The following ARHGEF7 variants were observed in gnomAD, a reference collection of about 807,000 sequenced individuals.
ARHGEF7 encodes the protein Rho guanine nucleotide exchange factor 7.
A neutral mutation model predicts 109.8 loss-of-function variants in ARHGEF7; 33 were observed. The ratio of observed to expected loss-of-function variants is 0.30; its 90% CI spans 0.23 to 0.40. ARHGEF7 has a LOEUF of 0.40. ARHGEF7 is among the 10% of genes least tolerant of loss of function. ARHGEF7 has a pLI of 1.00. For missense variants in ARHGEF7, 938 were observed against 1,098.5 expected (o/e 0.85, Z 2.07); for synonymous variants, 458 against 424.6 (o/e 1.08, Z -0.97).
At chr13:111,298,669 G>A (rs1595630663) in intron 19 of ARHGEF7, among the ~76,000 whole-genome samples, 1 of 152,324 alleles carries the variant, frequency 6.6e-6, no homozygotes, top group South Asian at 2.1e-4. Context: ...TCTTCTGTCC[G>A]AAAAGTTATT....
In ARHGEF7 at chr13:111,280,666, C is replaced by T; in HGVS notation, c.1714C>T (p.Pro572Ser). Residue 572 changes from proline to serine, a missense_variant, in exon 15 of 22, where the codon CCA becomes TCA. Transcript: ENST00000646102. ...GNPTIKPHSV[P>S]SHTLPSHPVT... The stretch of plus-strand genomic sequence containing the variant: ...CCCCACCATAAAGCCTCATTCAGTG[C>T]CATCTCATACCGTAAGGACTTGGTG... 3 of 1,585,746 alleles carry T rather than the reference C, an allele frequency of 1.9e-6. No homozygotes were observed. Among genetic ancestry groups the T allele is most frequent in the Non-Finnish European group, 1.7e-6 (2 of 1,167,700 alleles).
chr13:111,195,556 G>A (rs1036680094), intron 2 of ARHGEF7, among the ~76,000 whole-genome samples: 2 of 152,200 alleles, frequency 1.3e-5, no homozygotes, highest in Non-Finnish European at 2.9e-5. Flanking sequence ...GCCCTCAATG[G>A]TTAAATGTAC....
At chr13:111,135,047 T>A (rs1318881250) in intron 1 of ARHGEF7, among the ~76,000 whole-genome samples, 1 of 152,240 alleles carries the variant, frequency 6.6e-6, no homozygotes, top group African/African-American at 2.4e-5. Flanking sequence ...CACCATTTGT[T>A]AAATAGGGAA....
At chr13:111,189,539 T>A (rs1225405669) in intron 2 of ARHGEF7, among the ~76,000 whole-genome samples, 3 of 152,186 alleles carry the variant, frequency 2.0e-5, no homozygotes, top group African/African-American at 7.2e-5. Context: ...TAACAGCTTA[T>A]AAAGGTAGTG....
rs182815658 is a variant in ARHGEF7 at position 111,244,259 on chromosome 13, G to A, written c.915G>A (p.Gln305=). 100 of 1,609,894 alleles carry A rather than the reference G, an allele frequency of 6.2e-5. 1 individual carries two copies. The East Asian group carries it at 2.2e-3, about 35-fold the overall frequency. ...MGNLEEICSF[Q]QMLVQSLEEC... is the part of the protein sequence containing the mutation. ...ATCTAGAAGAAATATGTTCTTTCCA[G>A]CAAATGCTCGTACAGTCTTTAGAAG... Residue 305 remains glutamine, a synonymous_variant, in exon 8 of 22, where the codon CAG becomes CAA. Coordinates refer to ENST00000646102, the MANE Select transcript of ARHGEF7 (RefSeq NM_001354046.2).
chr13:111,178,724 A>G (rs2078416561), intron 2 of ARHGEF7, among the ~76,000 whole-genome samples: 1 of 152,198 alleles, frequency 6.6e-6, no homozygotes, highest in South Asian at 2.1e-4. Flanking sequence ...AGGAAGCCAC[A>G]CTTTTCTCTA....
chr13:111,258,890 A>G lies in ARHGEF7; in HGVS notation c.951-8658A>G, dbSNP rs1595267518. Reference sequence around the variant, plus strand: ...CTCAGGCCTGGTGGCATTCACCACAAACTGACTGAAGAGTCCTTGGGCCTT... The same window carrying G: ...CTCAGGCCTGGTGGCATTCACCACAGACTGACTGAAGAGTCCTTGGGCCTT... On this transcript the variant is annotated intron_variant, in intron 8 of 21. Coordinates refer to ENST00000646102, the MANE Select transcript of ARHGEF7 (RefSeq NM_001354046.2). The surrounding 1 kb of genome is among the most constrained non-coding windows in gnomAD (Gnocchi z 4.4). 6.6e-6 allele frequency among the ~76,000 whole-genome samples: 1 copy of G among 151,820 alleles called. No individual in the cohort carries two copies. The highest frequency in any genetic ancestry group is 1.9e-4 in the East Asian group (1 of 5,134).
rs888431402 is a variant in ARHGEF7 at position 111,239,537 on chromosome 13, C to G, written c.760-4335C>G. On this transcript the variant is annotated intron_variant, in intron 6 of 21. Coordinates refer to ENST00000646102, the MANE Select transcript of ARHGEF7 (RefSeq NM_001354046.2). The surrounding 1 kb of genome is among the most constrained non-coding windows in gnomAD (Gnocchi z 4.3). ...GTGACCCTAAACCCTGGCGTTGCTT[C>G]GTCTCTTCATCTTCTGCTTTGCCCT... Among the ~76,000 whole-genome samples, 1 of 152,128 alleles carries G rather than the reference C, an allele frequency of 6.6e-6. No individual in the cohort carries two copies. Among genetic ancestry groups the G allele is most frequent in the Non-Finnish European group, 1.5e-5 (1 of 68,020 alleles).
Position 111,267,546 on chromosome 13 carries a change from A to G in ARHGEF7, c.951-2A>G. 6.2e-7 allele frequency: 1 copy of G among 1,613,766 alleles called. No individual in the cohort carries two copies. The highest frequency in any genetic ancestry group is 2.2e-5 in the East Asian group (1 of 44,854). On this transcript the variant is annotated splice_acceptor_variant, in intron 8 of 21. Coordinates refer to ENST00000646102, the MANE Select transcript of ARHGEF7 (RefSeq NM_001354046.2). LOFTEE classifies it high-confidence loss of function. ...ATTTCCCTTTGTGTCGCATTTCTCC[A>G]GGTTGCCCGAAGCTCAGCAGAGAGT...
intron 6 of ARHGEF7, among the ~76,000 whole-genome samples, chr13:111,242,505 C>T (rs1001535899): frequency 6.6e-6 from 1 of 152,116 alleles, no homozygotes; most frequent in Non-Finnish European, 1.5e-5. Context: ...GTATTGTTAG[C>T]TCTGGGAGAC....
Position 111,266,275 on chromosome 13 carries a change from G to A in ARHGEF7, c.951-1273G>A, listed in dbSNP as rs1347832315. 1.3e-5 allele frequency among the ~76,000 whole-genome samples: 2 copies of A among 152,076 alleles called. No individual in the cohort carries two copies. The highest frequency in any genetic ancestry group is 4.8e-5 in the African/African-American group (2 of 41,390). ...AGCCCCATGCTGTTCCTCATTCTCG[G>A]TGTGAACAGGTGTTTCTCACTCAGA... On this transcript the variant is annotated intron_variant, in intron 8 of 21. Transcript: ENST00000646102. The surrounding 1 kb of genome is among the most constrained non-coding windows in gnomAD (Gnocchi z 4.8).
At position 111,303,167 on chromosome 13, in the gene ARHGEF7, C is replaced by T; in HGVS notation, c.*54C>T. The T allele has an allele frequency of 6.6e-7, 1 of 1,526,426 alleles. No individual in the cohort carries two copies. Among genetic ancestry groups the T allele is most frequent in the Non-Finnish European group, 8.9e-7 (1 of 1,127,482 alleles). 94.6% of individuals were successfully genotyped at this position (1,526,426 alleles called of 1,614,324 possible). On this transcript the variant is annotated 3_prime_UTR_variant, in exon 22 of 22. Transcript: ENST00000646102. ...ACCAGTTCTGAGGTGAAGCTGGGCACCCCTGACCCAAGTCGGGGTGCACTC... is the reference window on the plus strand; with the variant it reads ...ACCAGTTCTGAGGTGAAGCTGGGCATCCCTGACCCAAGTCGGGGTGCACTC...
At chr13:111,201,751 T>C (rs539502135) in intron 2 of ARHGEF7, among the ~76,000 whole-genome samples, 2 of 152,164 alleles carry the variant, frequency 1.3e-5, no homozygotes, top group African/African-American at 4.8e-5. Flanking sequence ...AGCAAGCAGG[T>C]GGTCAGGGAG....
At chr13:111,125,555 C>T (rs2067504748) in intron 1 of ARHGEF7, among the ~76,000 whole-genome samples, 1 of 152,172 alleles carries the variant, frequency 6.6e-6, no homozygotes, top group Non-Finnish European at 1.5e-5. Context: ...TTTGGATTTG[C>T]GTGTTCTCTC....
At chr13:111,240,570 A>T (rs893830116) in intron 6 of ARHGEF7, among the ~76,000 whole-genome samples, 1 of 152,192 alleles carries the variant, frequency 6.6e-6, no homozygotes, top group Non-Finnish European at 1.5e-5. Context: ...GTGGAGTCAG[A>T]TGTTTATTAC....
At chr13:111,209,838 C>T (rs888862039) in intron 3 of ARHGEF7, 34 bp from the exon 4 acceptor site, 28 of 1,606,854 alleles carry the variant, frequency 1.7e-5, no homozygotes, top group Non-Finnish European at 1.9e-5. Context: ...CAGGCGCTCT[C>T]AGCTCTCTTT....
At chr13:111,291,836 A>G (rs1220369917) in intron 18 of ARHGEF7, among the ~76,000 whole-genome samples, 8 of 152,344 alleles carry the variant, frequency 5.3e-5, no homozygotes, top group Middle Eastern at 3.4e-3. Flanking sequence ...CTTTAGAGCA[A>G]TATCTTTTTT....
At chr13:111,233,361 A>T in intron 6 of ARHGEF7, 68 bp downstream of exon 6, 1 of 1,249,302 alleles carries the variant, frequency 8.0e-7, no homozygotes, top group South Asian at 1.2e-5. Flanking sequence ...GCAATGTAGA[A>T]TGTAGTGTAA....
At chr13:111,154,484 C>T (rs3927892) in intron 2 of ARHGEF7, among the ~76,000 whole-genome samples, 1 of 152,222 alleles carries the variant, frequency 6.6e-6, no homozygotes, top group Non-Finnish European at 1.5e-5. Flanking sequence ...CCCAGCCGCA[C>T]TCCTTTCTCT....
Sources: allele counts gnomAD v4.1 joint callset (sites outside exome capture counted in the v4.1 genomes callset), GRCh38; gene constraint gnomAD v4.1.1; non-coding constraint Gnocchi (gnomAD v3.1); transcripts MANE v1.5; gene names NCBI Gene and HGNC (gene_info 2026-07-23, HGNC 2026-07-21).